DPYD: variants seen among roughly 807,000 people sequenced by gnomAD.
DPYD encodes dihydropyrimidine dehydrogenase [NADP(+)].
In DPYD, 109 loss-of-function variants were observed where a neutral mutation model predicts 116.2. That is an observed-to-expected ratio of 0.94 (90% confidence interval 0.80 to 1.10). DPYD has a LOEUF of 1.10. DPYD is among the 50% of genes least tolerant of loss of function. The pLI, the probability that DPYD is intolerant of heterozygous loss-of-function variation, is 0.00. For missense variants in DPYD, 1,302 were observed against 1,254.5 expected (o/e 1.04, Z -0.57); for synonymous variants, 440 against 432.0 (o/e 1.02, Z -0.23).
At chr1:97,486,392 A>C (rs1386206862) in intron 13 of DPYD, among the ~76,000 whole-genome samples, 1 of 152,130 alleles carries the variant, frequency 6.6e-6, no homozygotes, top group African/African-American at 2.4e-5. Flanking sequence ...TTGTTGTTGA[A>C]AGTTGGGGCC....
chr1:97,465,215 C>T lies in DPYD; in HGVS notation c.1741-14992G>A, dbSNP rs570813886. On this transcript the variant is annotated intron_variant, in intron 13 of 22. Transcript: ENST00000370192. ...TGGCTGTATTTACCCAGTGTCTCTA[C>T]CCTCATTTTATCTAGGAAGTAACTA... Among the ~76,000 whole-genome samples, 25 of 152,306 alleles carry T rather than the reference C, an allele frequency of 1.6e-4. No individual in the cohort carries two copies. In the East Asian group the frequency reaches 1.9e-3, roughly 12 times the overall value.
At chr1:97,462,984 C>T (rs1677108016) in intron 13 of DPYD, among the ~76,000 whole-genome samples, 3 of 152,130 alleles carry the variant, frequency 2.0e-5, no homozygotes, top group African/African-American at 7.2e-5. Context: ...CTATTGATTC[C>T]AAGTCTTCAG....
intron 20 of DPYD, among the ~76,000 whole-genome samples, chr1:97,117,726 A>G (rs1197437228): frequency 6.6e-6 from 1 of 152,196 alleles, no homozygotes; most frequent in East Asian, 1.9e-4. Context: ...AAGTTGGTCA[A>G]GGTTCATAAA....
chr1:97,715,775 C>T (rs571623198), intron 5 of DPYD, among the ~76,000 whole-genome samples: 1 of 152,112 alleles, frequency 6.6e-6, no homozygotes, highest in South Asian at 2.1e-4. Flanking sequence ...GTTTTTAATA[C>T]GGGGCTTGCA....
At chr1:97,392,179 C>T (rs1196613868) in intron 14 of DPYD, among the ~76,000 whole-genome samples, 1 of 151,988 alleles carries the variant, frequency 6.6e-6, no homozygotes, top group African/African-American at 2.4e-5. Flanking sequence ...AAGCAAGTCA[C>T]ACAAATATTT....
At chr1:97,559,872 G>T (rs975993402) in intron 11 of DPYD, among the ~76,000 whole-genome samples, 1 of 152,122 alleles carries the variant, frequency 6.6e-6, no homozygotes, top group South Asian at 2.1e-4. Flanking sequence ...TTTATTGAGC[G>T]CTTTCATCAG....
At chr1:97,173,368 A>ACATATATGTG (rs1656975532) in intron 20 of DPYD, among the ~76,000 whole-genome samples, 1 of 111,850 alleles carries the variant, frequency 8.9e-6, no homozygotes, top group East Asian at 3.6e-4. Context: ...ACATATATAC[A>ACATATATGTG]TATATGTGTG....
chr1:97,667,412 TTATATACTTAAA>T (rs1659625377), intron 8 of DPYD, among the ~76,000 whole-genome samples: 1 of 152,128 alleles, frequency 6.6e-6, no homozygotes, highest in Non-Finnish European at 1.5e-5. Flanking sequence ...AATCATATGT[TTATATACTTAAA>T]AATTTTTTTT....
intron 18 of DPYD, among the ~76,000 whole-genome samples, chr1:97,270,323 A>AT (rs933737259): frequency 6.6e-6 from 1 of 152,126 alleles, no homozygotes; most frequent in African/African-American, 2.4e-5. Context: ...ATAGACTATA[A>AT]TTTTTTATTC....
chr1:97,513,581 ATTC>A (rs201705140), intron 13 of DPYD, among the ~76,000 whole-genome samples: 1,879 of 152,006 alleles, frequency 0.012, 22 homozygotes, highest in Middle Eastern at 0.024. Context: ...TTTTAAATAG[ATTC>A]TTCAATTGCC....
chr1:97,532,137 C>T (rs778495888), intron 12 of DPYD, among the ~76,000 whole-genome samples: 1 of 151,936 alleles, frequency 6.6e-6, no homozygotes, highest in Non-Finnish European at 1.5e-5. Flanking sequence ...ATGGTTTTTG[C>T]CCATCATTCT....
At position 97,549,764 on chromosome 1, in the gene DPYD, A is replaced by C; in HGVS notation, c.1340-20T>G. The C allele has an allele frequency of 6.2e-7, 1 of 1,601,388 alleles. No homozygotes were observed. Among genetic ancestry groups the C allele is most frequent in the Non-Finnish European group, 8.6e-7 (1 of 1,169,342 alleles). ...CTTTTACTGAAAAAACAAGTGAAAAACAATAGACAATCACTAGTCAACAGA... is the reference window on the plus strand; with the variant it reads ...CTTTTACTGAAAAAACAAGTGAAAACCAATAGACAATCACTAGTCAACAGA... On this transcript the variant is annotated intron_variant, in intron 11 of 22. Coordinates refer to ENST00000370192, the MANE Select transcript of DPYD (RefSeq NM_000110.4).
At position 97,205,332 on chromosome 1, in the gene DPYD, C is replaced by T. The variant is rs368339178; in HGVS notation, c.2443-12084G>A. On this transcript the variant is annotated intron_variant, in intron 19 of 22. Coordinates refer to ENST00000370192, the MANE Select transcript of DPYD (RefSeq NM_000110.4). ...TATTCATCCCCCTCACCCTCACCTC[C>T]CCCATCCCCTGGCAACCACTGATCT... 3.3e-5 allele frequency among the ~76,000 whole-genome samples: 5 copies of T among 151,938 alleles called. No individual in the cohort carries two copies. In the East Asian group the frequency reaches 9.7e-4, roughly 29 times the overall value.
At chr1:97,574,842 T>C (rs1653158796) in intron 10 of DPYD, among the ~76,000 whole-genome samples, 1 of 152,182 alleles carries the variant, frequency 6.6e-6, no homozygotes. Context: ...ATTATTTTCC[T>C]TCACTCTGAA....
At chr1:97,487,118 C>T (rs559510089) in intron 13 of DPYD, among the ~76,000 whole-genome samples, 18 of 151,992 alleles carry the variant, frequency 1.2e-4, no homozygotes, top group Non-Finnish European at 2.2e-4. Flanking sequence ...TATTTATTGA[C>T]CCATTTGAAA....
At chr1:97,328,949 T>C (rs998164823) in intron 16 of DPYD, among the ~76,000 whole-genome samples, 4 of 152,200 alleles carry the variant, frequency 2.6e-5, no homozygotes, top group African/African-American at 4.8e-5. Context: ...GGGCTTTTTA[T>C]TGTATGCTTT....
At chr1:97,907,324 C>A (rs953912177) in intron 1 of DPYD, among the ~76,000 whole-genome samples, 8 of 152,078 alleles carry the variant, frequency 5.3e-5, no homozygotes, top group African/African-American at 1.9e-4. Flanking sequence ...TAACAAACAT[C>A]TTTTCCCTTC....
chr1:97,650,367 T>C (rs1411218344), intron 8 of DPYD, among the ~76,000 whole-genome samples: 1 of 152,170 alleles, frequency 6.6e-6, no homozygotes, highest in Non-Finnish European at 1.5e-5. Context: ...TCTTGTAATG[T>C]ATTCAATCAT....
rs1558030190 is a variant in DPYD, at chr1:97,323,444, G to GTATGTATACATATGTGTCTATGTACACA, written c.2059-17148_2059-17147insTGTGTACATAGACACATATGTATACATA. 1.9e-3 allele frequency among the ~76,000 whole-genome samples: 185 copies of GTATGTATACATATGTGTCTATGTACACA among 97,842 alleles called. 11 individuals are homozygous for GTATGTATACATATGTGTCTATGTACACA. Among genetic ancestry groups the GTATGTATACATATGTGTCTATGTACACA allele is most frequent in the Middle Eastern group, 0.01 (1 of 96 alleles). The allele number at this position is 97,842 out of a possible 152,430, so 64.2% of individuals were successfully genotyped here. Reference sequence around the variant, plus strand: ...TATATACATATGTGTATATGTACACGTATATACATATCATATATACATATA... The same window carrying GTATGTATACATATGTGTCTATGTACACA: ...TATATACATATGTGTATATGTACACGTATGTATACATATGTGTCTATGTACACATATATACATATCATATATACATATA... On this transcript the variant is annotated intron_variant, in intron 16 of 22. Transcript: ENST00000370192.
Sources: allele counts gnomAD v4.1 joint callset (sites outside exome capture counted in the v4.1 genomes callset), GRCh38; gene constraint gnomAD v4.1.1; transcripts MANE v1.5; gene names NCBI Gene and HGNC (gene_info 2026-07-23, HGNC 2026-07-21).